PSD3: variants seen among roughly 807,000 people sequenced by gnomAD.
PSD3 encodes the protein pleckstrin and Sec7 domain containing 3.
In PSD3, 49 loss-of-function variants were observed where a neutral mutation model predicts 105.5. The observed-to-expected ratio is 0.46, with a 90% CI of 0.37 to 0.59. PSD3 has a LOEUF of 0.59. Among genes scored for constraint, PSD3 ranks in the 20% least tolerant of loss-of-function variants. The pLI is 0.00. For synonymous variants in PSD3, 557 were observed against 457.8 expected (o/e 1.22, Z -2.77); for missense variants, 1,561 against 1,263.8 (o/e 1.24, Z -3.57).
At chr8:18,990,253 C>G (rs1825717012) in intron 1 of PSD3, among the ~76,000 whole-genome samples, 1 of 152,238 alleles carries the variant, frequency 6.6e-6, no homozygotes, top group African/African-American at 2.4e-5. Flanking sequence ...CTTCCATGTT[C>G]ACAGGATAAA....
At chr8:18,605,775 CTCA>C (rs1366739033) in intron 11 of PSD3, among the ~76,000 whole-genome samples, 1 of 152,128 alleles carries the variant, frequency 6.6e-6, no homozygotes, top group Non-Finnish European at 1.5e-5. Flanking sequence ...TGGTGCTGTT[CTCA>C]TGATAGTGAA....
intron 1 of PSD3, among the ~76,000 whole-genome samples, chr8:18,987,418 G>C (rs1825566010): frequency 6.6e-6 from 1 of 151,974 alleles, no homozygotes; most frequent in African/African-American, 2.4e-5. Context: ...CTCCCAAGTA[G>C]CTGGAACTAC....
At chr8:18,954,825 C>T (rs757090473) in intron 1 of PSD3, among the ~76,000 whole-genome samples, 9 of 152,144 alleles carry the variant, frequency 5.9e-5, no homozygotes, top group Non-Finnish European at 8.8e-5. Context: ...GGTTCAAGGA[C>T]CACACACTGA....
chr8:18,941,303 A>G (rs1822521912), intron 1 of PSD3, among the ~76,000 whole-genome samples: 1 of 152,224 alleles, frequency 6.6e-6, no homozygotes. Context: ...AAATGCTTCA[A>G]GTTTGGGCTT....
At chr8:18,653,599 C>T (rs1425821814) in intron 10 of PSD3, among the ~76,000 whole-genome samples, 1 of 152,200 alleles carries the variant, frequency 6.6e-6, no homozygotes, top group Admixed American at 6.5e-5. Flanking sequence ...ATTTATCTGA[C>T]TCTGAAATCC....
At chr8:18,686,846 C>A (rs989680284) in intron 9 of PSD3, among the ~76,000 whole-genome samples, 1 of 152,190 alleles carries the variant, frequency 6.6e-6, no homozygotes, top group African/African-American at 2.4e-5. Flanking sequence ...CTGTCTGGAA[C>A]TCTGTTGCCC....
chr8:18,567,384 T>C (rs1219745042), intron 14 of PSD3, among the ~76,000 whole-genome samples: 1 of 152,214 alleles, frequency 6.6e-6, no homozygotes, highest in African/African-American at 2.4e-5. Flanking sequence ...TAAGTATGCA[T>C]ATTTAAAGCA....
chr8:18,655,505 G>T, intron 10 of PSD3, 137 bp downstream of exon 10: 1 of 810,814 alleles, frequency 1.2e-6, no homozygotes, highest in Non-Finnish European at 2.0e-6. Flanking sequence ...AAGCCACAAA[G>T]TAGGTAAGAC....
At chr8:18,699,720 T>G (rs1380296084) in intron 9 of PSD3, among the ~76,000 whole-genome samples, 3 of 151,180 alleles carry the variant, frequency 2.0e-5, no homozygotes, top group African/African-American at 4.9e-5. Context: ...AATTATAAAC[T>G]TTTGGATAGG....
intron 11 of PSD3, among the ~76,000 whole-genome samples, chr8:18,604,745 G>A (rs1461281489): frequency 6.6e-6 from 1 of 152,182 alleles, no homozygotes; most frequent in East Asian, 1.9e-4. Flanking sequence ...GCTGCCCTGT[G>A]AAGCCTCGGG....
chr8:18,914,676 A>C lies in PSD3; in HGVS notation c.130+21358T>G, dbSNP rs1213573565. 7.9e-5 allele frequency among the ~76,000 whole-genome samples: 12 copies of C among 152,232 alleles called. 1 individual carries two copies. Among genetic ancestry groups the C allele is most frequent in the African/African-American group, 2.9e-4 (12 of 41,462 alleles). ...ACCAAGAGAGTGAATGACCTATACA[A>C]TGAAAACTATAAAACACTAATGAAA... On this transcript the variant is annotated intron_variant, in intron 2 of 15. Transcript: ENST00000327040.
chr8:19,013,599 C>T lies in PSD3; in HGVS notation c.-16G>A, dbSNP rs766912722. 2 of 1,462,940 alleles carry T rather than the reference C, an allele frequency of 1.4e-6. No individual in the cohort carries two copies. The highest frequency in any genetic ancestry group is 2.6e-5 in the South Asian group (2 of 76,264). The allele number at this position is 1,462,940 out of a possible 1,614,324, so 90.6% of individuals were successfully genotyped here. A position where few individuals can be genotyped will look rare whatever the true frequency, so the allele number is the denominator to read the frequency against. ...TTCCTTCCATCTTCCATCGCCAGCCCGGCCGCGCGCCGAAACCGCCGCCGG... is the reference window on the plus strand; with the variant it reads ...TTCCTTCCATCTTCCATCGCCAGCCTGGCCGCGCGCCGAAACCGCCGCCGG... On this transcript the variant is annotated 5_prime_UTR_variant, in exon 1 of 16. Transcript: ENST00000327040.
At chr8:18,839,693 C>T (rs2129451188) in intron 4 of PSD3, among the ~76,000 whole-genome samples, 1 of 152,302 alleles carries the variant, frequency 6.6e-6, no homozygotes, top group East Asian at 1.9e-4. Flanking sequence ...CCACCAGCAT[C>T]ACCACTGTAA....
At chr8:18,883,486 C>T (rs772938825) in intron 2 of PSD3, among the ~76,000 whole-genome samples, 41 of 152,106 alleles carry the variant, frequency 2.7e-4, no homozygotes, top group Non-Finnish European at 4.7e-4. Flanking sequence ...AAATTTCTCT[C>T]ACAATGAATG....
At position 18,632,806 on chromosome 8, in the gene PSD3, T is replaced by C. The variant is rs1806994766; in HGVS notation, c.2217A>G (p.Val739=). 6.4e-7 allele frequency: 1 copy of C among 1,552,342 alleles called. No individual in the cohort carries two copies. Among genetic ancestry groups the C allele is most frequent in the Admixed American group, 1.8e-5 (1 of 56,368 alleles). The change falls in exon 11 of 16, where the codon GTA becomes GTG. Residue 739 remains valine, a splice_region_variant and synonymous_variant. Transcript: ENST00000327040. ...GAGACTTTTTTTTCTCTTCATCATC[T>C]CTAAAAGGGAGAAAGCACAAAGACT... ...SIKNEKLEWA[V]DDEEKKKSPS...
intron 1 of PSD3, among the ~76,000 whole-genome samples, chr8:19,031,611 C>A (rs1394982913): frequency 6.6e-6 from 1 of 152,098 alleles, no homozygotes. Flanking sequence ...TCCCTCCCAA[C>A]AAATGGACTA....
At chr8:18,643,289 C>G (rs1042463357) in intron 10 of PSD3, among the ~76,000 whole-genome samples, 1 of 152,162 alleles carries the variant, frequency 6.6e-6, no homozygotes, top group East Asian at 1.9e-4. Flanking sequence ...GCCCTCATGA[C>G]CTAAGCACCT....
intron 2 of PSD3, among the ~76,000 whole-genome samples, chr8:18,913,125 T>A (rs12541811): frequency 7.3e-4 from 74 of 101,610 alleles, no homozygotes; most frequent in South Asian, 1.7e-3. Flanking sequence ...ACACACACAC[T>A]CTCCTTCTCC....
intron 2 of PSD3, among the ~76,000 whole-genome samples, chr8:18,908,913 G>A (rs145883791): frequency 7.2e-5 from 11 of 152,130 alleles, no homozygotes; most frequent in African/African-American, 1.4e-4. Flanking sequence ...CTCAGTTCCC[G>A]ACAAATTCTA....
Sources: allele counts gnomAD v4.1 joint callset (sites outside exome capture counted in the v4.1 genomes callset), GRCh38; gene constraint gnomAD v4.1.1; transcripts MANE v1.5; gene names NCBI Gene and HGNC (gene_info 2026-07-23, HGNC 2026-07-21).